FGF14: variants seen among roughly 807,000 people sequenced by gnomAD.
The protein encoded by FGF14 is fibroblast growth factor homologous factor 4.
In FGF14, 5 loss-of-function variants were observed where a neutral mutation model predicts 25.5. The ratio of observed to expected loss-of-function variants is 0.20; its 90% CI spans 0.10 to 0.41. FGF14 has a LOEUF of 0.41. Among genes scored for constraint, FGF14 ranks in the 10% least tolerant of loss-of-function variants. FGF14 has a pLI of 1.00. For missense variants in FGF14, 222 were observed against 320.1 expected (o/e 0.69, Z 2.34); for synonymous variants, 138 against 118.3 (o/e 1.17, Z -1.08).
chr13:102,036,710 G>A (rs1000661238), intron 1 of FGF14, among the ~76,000 whole-genome samples: 1 of 151,952 alleles, frequency 6.6e-6, no homozygotes, highest in African/African-American at 2.4e-5. Context: ...GGAGGACGAA[G>A]AAGAAAAAGA....
intron 1 of FGF14, among the ~76,000 whole-genome samples, chr13:102,194,499 T>C (rs1307959965): frequency 6.6e-6 from 1 of 152,138 alleles, no homozygotes; most frequent in Non-Finnish European, 1.5e-5. Context: ...GAAATTTTAC[T>C]TGGCAGAATA....
chr13:102,347,046 T>C lies in FGF14; in HGVS notation c.208+54425A>G, dbSNP rs892674850. ...TAGGAGGTCTGGAGCCCATGTCCTA[T>C]CAAGAAAAGCTAAGGAACCGAGCAG... is the stretch of plus-strand genomic sequence containing the variant. On this transcript the variant is annotated intron_variant, in intron 1 of 4. Transcript: ENST00000376131. 6.6e-5 allele frequency among the ~76,000 whole-genome samples: 10 copies of C among 152,076 alleles called. No individual in the cohort carries two copies. The East Asian group carries it at 1.9e-3, about 29-fold the overall frequency.
chr13:102,338,525 T>C (rs1367418011), intron 1 of FGF14, among the ~76,000 whole-genome samples: 1 of 152,196 alleles, frequency 6.6e-6, no homozygotes, highest in South Asian at 2.1e-4. Context: ...TTCCCATCCA[T>C]GTTTAATGAA....
intron 1 of FGF14, among the ~76,000 whole-genome samples, chr13:102,286,493 G>T (rs2054105227): frequency 6.6e-6 from 1 of 152,090 alleles, no homozygotes; most frequent in Non-Finnish European, 1.5e-5. Flanking sequence ...AATTCTCTGA[G>T]GCCAATGACC....
At chr13:102,320,751 T>C (rs1462177464) in intron 1 of FGF14, among the ~76,000 whole-genome samples, 1 of 152,186 alleles carries the variant, frequency 6.6e-6, no homozygotes, top group Non-Finnish European at 1.5e-5. Flanking sequence ...TTCCCTTGAA[T>C]GGGGCTAAAG....
intron 1 of FGF14, among the ~76,000 whole-genome samples, chr13:102,391,261 T>G (rs2058425627): frequency 6.6e-6 from 1 of 152,148 alleles, no homozygotes; most frequent in Non-Finnish European, 1.5e-5. Flanking sequence ...AAAAGCACTT[T>G]GCTACAACAA....
chr13:102,205,984 T>TAAAAAAA (rs36108366), intron 1 of FGF14, among the ~76,000 whole-genome samples: 14 of 47,462 alleles, frequency 2.9e-4, no homozygotes, highest in Non-Finnish European at 3.6e-4. Context: ...CTCCCTGTGG[T>TAAAAAAA]AAAAAAAAAA....
intron 3 of FGF14, among the ~76,000 whole-genome samples, chr13:101,821,943 G>A (rs2042175303): frequency 6.6e-6 from 1 of 152,104 alleles, no homozygotes; most frequent in Non-Finnish European, 1.5e-5. Context: ...TCAGATATAA[G>A]AACTGCAGAT....
rs533986357 is a variant in FGF14 at position 102,072,597 on chromosome 13, T to C, written c.209-197301A>G. Among the ~76,000 whole-genome samples the C allele has an allele frequency of 3.9e-5, 6 of 152,336 alleles. No homozygotes were observed. The South Asian group carries it at 1.2e-3, about 32-fold the overall frequency. On this transcript the variant is annotated intron_variant, in intron 1 of 4. Coordinates refer to the FGF14 transcript ENST00000376131. ...TAAGTAATACAGGATAAGGGAGTGT[T>C]ATACACTGAATTTTAAGGAAAACTT...
intron 4 of FGF14, among the ~76,000 whole-genome samples, chr13:101,724,384 C>T (rs1003999013): frequency 1.8e-4 from 27 of 149,354 alleles, no homozygotes; most frequent in Non-Finnish European, 1.3e-4. Context: ...TAGGTGGGAA[C>T]TGAACAATGA....
At position 102,206,441 on chromosome 13, in the gene FGF14, G is replaced by C. The variant is rs573504539; in HGVS notation, c.208+195030C>G. 2.0e-5 allele frequency among the ~76,000 whole-genome samples: 3 copies of C among 152,290 alleles called. No homozygotes were observed. The South Asian group carries it at 6.2e-4, about 32-fold the overall frequency. On this transcript the variant is annotated intron_variant, in intron 1 of 4. Coordinates refer to the FGF14 transcript ENST00000376131. ...CACGCCTGTAATCCCAGCACTTTGG[G>C]AGGCTGAGGCGGGCAGATCACTGGA...
At chr13:101,735,868 A>G (rs1042829400) in intron 3 of FGF14, among the ~76,000 whole-genome samples, 1 of 152,182 alleles carries the variant, frequency 6.6e-6, no homozygotes, top group East Asian at 1.9e-4. Flanking sequence ...ACATTGTCTA[A>G]AAGAAAAATG....
intron 1 of FGF14, among the ~76,000 whole-genome samples, chr13:102,298,622 C>A (rs566546648): frequency 6.6e-6 from 1 of 151,982 alleles, no homozygotes; most frequent in Non-Finnish European, 1.5e-5. Flanking sequence ...ATAATAAATG[C>A]GTTGTGCACT....
chr13:101,883,634 G>T (rs1303450988), intron 1 of FGF14, among the ~76,000 whole-genome samples: 34 of 147,546 alleles, frequency 2.3e-4, no homozygotes, highest in South Asian at 7.4e-4. Context: ...ACAATAGTAA[G>T]AATAATAGCT....
chr13:101,774,421 A>G (rs2038971197), intron 3 of FGF14, among the ~76,000 whole-genome samples: 1 of 152,182 alleles, frequency 6.6e-6, no homozygotes, highest in Non-Finnish European at 1.5e-5. Context: ...CCTTGGTGCT[A>G]GAGGCGGACA....
At chr13:102,275,048 G>A (rs9518690) in intron 1 of FGF14, among the ~76,000 whole-genome samples, 117,845 of 152,016 alleles carry the variant, frequency 0.78, 46,549 homozygotes, top group African/African-American at 0.93. Flanking sequence ...CATCAGGATT[G>A]TATTTTGCCT....
intron 3 of FGF14, among the ~76,000 whole-genome samples, chr13:101,857,851 CTA>C (rs2044205988): frequency 6.6e-6 from 1 of 151,732 alleles, no homozygotes; most frequent in Non-Finnish European, 1.5e-5. Context: ...AGTTTTAAAA[CTA>C]TATAAAATCC....
intron 1 of FGF14, among the ~76,000 whole-genome samples, chr13:102,085,492 A>G (rs1020932293): frequency 3.9e-5 from 6 of 152,190 alleles, no homozygotes; most frequent in Admixed American, 3.9e-4. Context: ...AGTGATGTCA[A>G]ACAATTTTCT....
At chr13:101,854,161 C>T (rs2044004655) in intron 3 of FGF14, among the ~76,000 whole-genome samples, 1 of 152,014 alleles carries the variant, frequency 6.6e-6, no homozygotes, top group African/African-American at 2.4e-5. Flanking sequence ...TGTGTGCGTA[C>T]AATTTAGAAG....
Sources: allele counts gnomAD v4.1 joint callset (sites outside exome capture counted in the v4.1 genomes callset), GRCh38; gene constraint gnomAD v4.1.1; transcripts MANE v1.5; gene names NCBI Gene and HGNC (gene_info 2026-07-23, HGNC 2026-07-21).